OR6N1: variants seen among roughly 807,000 people sequenced by gnomAD.
OR6N1 encodes olfactory receptor family 6 subfamily N member 1, also known as olfactory receptor 6N1.
For missense variants in OR6N1, 394 were observed against 371.7 expected, an observed-to-expected ratio of 1.06 and a Z score of -0.49; for synonymous variants, 170 against 150.7, an observed-to-expected ratio of 1.13 and a Z score of -0.94.
the OR6N1 span, among the ~76,000 whole-genome samples, chr1:158,785,160 C>T: frequency 6.6e-6 from 1 of 152,136 alleles, no homozygotes; most frequent in Admixed American, 6.5e-5. Flanking sequence ...TTTCCTCTTT[C>T]TCTACTTCTT....
At chr1:158,775,771 G>T (rs1284749738), upstream of OR6N1, 1 of 152,104 alleles carries the variant, frequency 6.6e-6, no homozygotes, top group Admixed American at 6.5e-5. Flanking sequence ...ATTAATAATT[G>T]ATTGGAATTA....
chr1:158,782,841 A>G, the OR6N1 span, among the ~76,000 whole-genome samples: 26 of 152,176 alleles, frequency 1.7e-4, no homozygotes, highest in African/African-American at 6.0e-4. Flanking sequence ...TTGTGGTCAC[A>G]GAGTGACTTT....
chr1:158,772,607 G>A (rs545720001), upstream of OR6N1, among the ~76,000 whole-genome samples: 157 of 152,250 alleles, frequency 1.0e-3, no homozygotes, highest in Non-Finnish European at 1.8e-3. Context: ...AGACACTGGG[G>A]ACATAAATAT....
chr1:158,771,453 A>T (rs570394190), intron 1 of OR6N1, among the ~76,000 whole-genome samples: 2 of 152,328 alleles, frequency 1.3e-5, no homozygotes, highest in East Asian at 3.9e-4. Flanking sequence ...TCAGTTACTC[A>T]TCTACTCCTA....
the OR6N1 span, among the ~76,000 whole-genome samples, chr1:158,824,675 C>T: frequency 6.6e-6 from 1 of 152,142 alleles, no homozygotes; most frequent in Non-Finnish European, 1.5e-5. Flanking sequence ...TACCTACAAC[C>T]ATCTGATCTT....
At chr1:158,830,246 A>G in the OR6N1 span, among the ~76,000 whole-genome samples, 1 of 152,222 alleles carries the variant, frequency 6.6e-6, no homozygotes, top group Non-Finnish European at 1.5e-5. Flanking sequence ...AAGCATCAGC[A>G]TAAGAGAGAA....
chr1:158,786,693 T>C, the OR6N1 span, among the ~76,000 whole-genome samples: 3 of 152,308 alleles, frequency 2.0e-5, no homozygotes, highest in East Asian at 5.8e-4. Flanking sequence ...ATAATGTTAT[T>C]TGCAGCAAGT....
At chr1:158,825,809 T>C in the OR6N1 span, among the ~76,000 whole-genome samples, 9 of 152,080 alleles carry the variant, frequency 5.9e-5, no homozygotes, top group Non-Finnish European at 1.3e-4. Context: ...CCCTCTACCA[T>C]AAAGGCATGC....
chr1:158,821,862 C>T, the OR6N1 span, among the ~76,000 whole-genome samples: 2 of 152,148 alleles, frequency 1.3e-5, no homozygotes, highest in Admixed American at 1.3e-4. Context: ...AAACTGTCTT[C>T]CAAACTGGCT....
chr1:158,772,335 A>T (rs1657442789), upstream of OR6N1: 1 of 152,208 alleles, frequency 6.6e-6, no homozygotes, highest in Non-Finnish European at 1.5e-5. Context: ...TCAGGAAGGG[A>T]ACTGACATAC....
intron 1 of OR6N1, among the ~76,000 whole-genome samples, chr1:158,770,925 C>T (rs1030174539): frequency 3.3e-5 from 5 of 152,190 alleles, no homozygotes; most frequent in Non-Finnish European, 7.4e-5. Flanking sequence ...AGAAACCTGG[C>T]TTTCACCATT....
chr1:158,802,241 T>C, the OR6N1 span, among the ~76,000 whole-genome samples: 2 of 139,612 alleles, frequency 1.4e-5, no homozygotes, highest in African/African-American at 5.4e-5. Context: ...GGAGTCTTGC[T>C]CTGTCACCCA....
chr1:158,781,377 G>T, the OR6N1 span, among the ~76,000 whole-genome samples: 1 of 152,208 alleles, frequency 6.6e-6, no homozygotes, highest in African/African-American at 2.4e-5. Flanking sequence ...ATCAGGCTCA[G>T]GGCAGACTCC....
chr1:158,766,611 C>T lies in OR6N1; in HGVS notation c.72G>A (p.Gln24=). The change falls in exon 2 of 2, where the codon CAG becomes CAA. Residue 24 remains glutamine, a synonymous_variant. Transcript: ENST00000641846. ...GAAGCAACAAGAGGAAGAGATAAAT[C>T]TGGACACCCTGGAGATGGGGGAAGC... is the stretch of plus-strand genomic sequence containing the variant. The part of the protein sequence containing the change: ...ILGFPHLQGV[Q]IYLFLLLLLI... 6.2e-7 allele frequency: 1 copy of T among 1,613,952 alleles called. No individual in the cohort carries two copies. The highest frequency in any genetic ancestry group is 8.5e-7 in the Non-Finnish European group (1 of 1,179,990).
the OR6N1 span, among the ~76,000 whole-genome samples, chr1:158,832,516 T>C: frequency 6.6e-6 from 1 of 151,660 alleles, no homozygotes; most frequent in African/African-American, 2.4e-5. Flanking sequence ...AGAATATGTA[T>C]ATCTAAGTAT....
At chr1:158,820,598 C>A in the OR6N1 span, among the ~76,000 whole-genome samples, 1 of 152,184 alleles carries the variant, frequency 6.6e-6, no homozygotes, top group Admixed American at 6.5e-5. Flanking sequence ...AACACAAAGA[C>A]ATGACTCCTA....
the OR6N1 span, among the ~76,000 whole-genome samples, chr1:158,817,587 T>A: frequency 6.6e-6 from 1 of 152,268 alleles, no homozygotes; most frequent in Non-Finnish European, 1.5e-5. Context: ...CTTTGATCTC[T>A]CTGCAAAACT....
At chr1:158,789,987 T>C in the OR6N1 span, among the ~76,000 whole-genome samples, 1 of 152,350 alleles carries the variant, frequency 6.6e-6, no homozygotes, top group Non-Finnish European at 1.5e-5. Context: ...ATTTAAGTCT[T>C]TAATGCATTT....
the OR6N1 span, among the ~76,000 whole-genome samples, chr1:158,813,094 A>T: frequency 6.6e-6 from 1 of 152,208 alleles, no homozygotes; most frequent in African/African-American, 2.4e-5. Context: ...TCAGATTGAC[A>T]AGGTTCCAGA....
Sources: allele counts gnomAD v4.1 joint callset (sites outside exome capture counted in the v4.1 genomes callset), GRCh38; gene constraint gnomAD v4.1.1; transcripts MANE v1.5; gene names NCBI Gene and HGNC (gene_info 2026-07-23, HGNC 2026-07-21).